Variants in MAML3 observed in about 807,000 individuals in gnomAD.
MAML3 encodes mastermind like transcriptional coactivator 3.
MAML3 carries 27 observed loss-of-function variants against 101.9 expected under a neutral mutation model. The observed-to-expected ratio is 0.27, with a 90% CI of 0.20 to 0.37. MAML3 has a LOEUF of 0.37. Ranked by LOEUF, MAML3 falls within the 10% of genes least tolerant of loss-of-function variation. MAML3 has a pLI of 1.00. For missense variants in MAML3, 1,316 were observed against 1,444.9 expected, an observed-to-expected ratio of 0.91 and a Z score of 1.45; for synonymous variants, 501 against 555.9, an observed-to-expected ratio of 0.90 and a Z score of 1.39.
rs566960604 is a variant in MAML3, at chr4:139,759,503, C to G, written c.2080-28836G>C. Among the ~76,000 whole-genome samples, 4 of 152,310 alleles carry G rather than the reference C, an allele frequency of 2.6e-5. No homozygotes were observed. In the East Asian group the frequency reaches 5.8e-4, roughly 22 times the overall value. ...TACAATTTTTCTAGCTGCTATTAGG[C>G]TGTAGTCCTGCTCTAGGTGTGGAAG... On this transcript the variant is annotated intron_variant, in intron 2 of 4. Coordinates refer to ENST00000509479, the MANE Select transcript of MAML3 (RefSeq NM_018717.5).
chr4:139,803,964 C>A (rs1198293735), intron 2 of MAML3, among the ~76,000 whole-genome samples: 1 of 152,080 alleles, frequency 6.6e-6, no homozygotes, highest in Non-Finnish European at 1.5e-5. Flanking sequence ...ACTGAGGATG[C>A]AGGGATCTGA....
chr4:139,890,726 G>A lies in MAML3; in HGVS notation c.710C>T (p.Pro237Leu). 1.2e-6 allele frequency: 2 copies of A among 1,614,056 alleles called. No homozygotes were observed. Among genetic ancestry groups the A allele is most frequent in the Non-Finnish European group, 1.7e-6 (2 of 1,179,898 alleles). ...CTTACTTAGATCTTCTAGAAGCCCAGGAGTGTGAGTTCCACTGTTCTGCAA... is the reference window on the plus strand; with the variant it reads ...CTTACTTAGATCTTCTAGAAGCCCAAGAGTGTGAGTTCCACTGTTCTGCAA... ...LPLQNSGTHT[P>L]GLLEDLSKNG... Residue 237 changes from proline to leucine, a missense_variant, in exon 2 of 5, where the codon CCT (proline) becomes CTT (leucine). Pro to Leu is a moderately conservative substitution (Grantham distance 98). Transcript: ENST00000509479. The surrounding 1 kb of genome is among the most constrained non-coding windows in gnomAD (Gnocchi z 4.1).
At chr4:139,732,471 CTT>C (rs958733348) in intron 2 of MAML3, among the ~76,000 whole-genome samples, 1 of 152,192 alleles carries the variant, frequency 6.6e-6, no homozygotes, top group Non-Finnish European at 1.5e-5. Context: ...CGCTACTCCT[CTT>C]ACCCTAGAAA....
intron 1 of MAML3, among the ~76,000 whole-genome samples, chr4:139,975,760 A>C (rs978542723): frequency 3.3e-5 from 5 of 152,210 alleles, no homozygotes; most frequent in African/African-American, 1.2e-4. Context: ...ATTGAACTGC[A>C]AAGTGGAGGG....
chr4:139,801,395 C>T (rs1730601054), intron 2 of MAML3, among the ~76,000 whole-genome samples: 1 of 152,102 alleles, frequency 6.6e-6, no homozygotes, highest in Non-Finnish European at 1.5e-5. Flanking sequence ...TTTCCTAAGA[C>T]AAGGAAACTT....
At chr4:139,789,986 A>C (rs1003455867) in intron 2 of MAML3, among the ~76,000 whole-genome samples, 3 of 151,996 alleles carry the variant, frequency 2.0e-5, no homozygotes, top group Non-Finnish European at 4.4e-5. Flanking sequence ...AGTCTAGCTG[A>C]CTGTGGGAAT....
At chr4:139,864,240 A>C (rs1731846177) in intron 2 of MAML3, among the ~76,000 whole-genome samples, 1 of 152,186 alleles carries the variant, frequency 6.6e-6, no homozygotes, top group Non-Finnish European at 1.5e-5. Flanking sequence ...GGCTGCAGGA[A>C]GATACAGACT....
At position 139,930,307 on chromosome 4, in the gene MAML3, T is replaced by G. The variant is rs1290862917; in HGVS notation, c.469-39340A>C. On this transcript the variant is annotated intron_variant, in intron 1 of 4. Coordinates refer to ENST00000509479, the MANE Select transcript of MAML3 (RefSeq NM_018717.5). ...AAAAAATCTAAGGGTGCTCATGGCC[T>G]GAATACGTTTCCAGGCAGAGTTTGT... 2.6e-5 allele frequency among the ~76,000 whole-genome samples: 4 copies of G among 152,158 alleles called. No individual in the cohort carries two copies. In the East Asian group the frequency reaches 7.7e-4, roughly 29 times the overall value.
intron 2 of MAML3, among the ~76,000 whole-genome samples, chr4:139,834,704 G>T (rs1421191435): frequency 6.6e-6 from 1 of 152,192 alleles, no homozygotes; most frequent in Non-Finnish European, 1.5e-5. Context: ...ATATAGCACA[G>T]TTCCTCCAAC....
intron 1 of MAML3, among the ~76,000 whole-genome samples, chr4:140,050,210 C>T (rs1223238618): frequency 6.6e-6 from 1 of 152,066 alleles, no homozygotes; most frequent in Admixed American, 6.6e-5. Flanking sequence ...CTAGGTCTTC[C>T]CGCCAAACTT....
At chr4:139,766,821 T>C (rs1729869799) in intron 2 of MAML3, among the ~76,000 whole-genome samples, 1 of 152,196 alleles carries the variant, frequency 6.6e-6, no homozygotes, top group Non-Finnish European at 1.5e-5. Flanking sequence ...AAGACCAAGG[T>C]TTGCCACTGC....
intron 1 of MAML3, among the ~76,000 whole-genome samples, chr4:140,050,620 C>T (rs1727252273): frequency 6.6e-6 from 1 of 152,134 alleles, no homozygotes; most frequent in Non-Finnish European, 1.5e-5. Context: ...TGGGCTAACA[C>T]CTGGAGAAGG....
chr4:140,152,422 G>A (rs1729189655), intron 1 of MAML3, among the ~76,000 whole-genome samples: 1 of 152,154 alleles, frequency 6.6e-6, no homozygotes, highest in African/African-American at 2.4e-5. Context: ...GTGCTGAGAG[G>A]GGTGGGCGTA....
chr4:140,038,528 G>A (rs1727026292), intron 1 of MAML3, among the ~76,000 whole-genome samples: 1 of 152,156 alleles, frequency 6.6e-6, no homozygotes, highest in Non-Finnish European at 1.5e-5. Flanking sequence ...TGTTTGTCCT[G>A]AGGAAGTATC....
At chr4:139,803,343 A>G (rs1057363030) in intron 2 of MAML3, among the ~76,000 whole-genome samples, 1 of 152,262 alleles carries the variant, frequency 6.6e-6, no homozygotes. Context: ...ATAGTTTATC[A>G]TAAACCTTCA....
At chr4:140,046,298 G>A (rs759617663) in intron 1 of MAML3, among the ~76,000 whole-genome samples, 3 of 152,162 alleles carry the variant, frequency 2.0e-5, no homozygotes, top group East Asian at 1.9e-4. Context: ...CTAGTTTTGT[G>A]AGAATGGGTC....
At chr4:140,026,195 T>C (rs1035082785) in intron 1 of MAML3, among the ~76,000 whole-genome samples, 2 of 151,912 alleles carry the variant, frequency 1.3e-5, no homozygotes, top group Non-Finnish European at 2.9e-5. Context: ...AACATATATA[T>C]GTGTGTGTGT....
intron 1 of MAML3, among the ~76,000 whole-genome samples, chr4:139,993,961 A>T (rs1396808841): frequency 6.6e-6 from 1 of 152,190 alleles, no homozygotes; most frequent in Non-Finnish European, 1.5e-5. Flanking sequence ...ATGATTTTAG[A>T]TGTTTCATAG....
intron 3 of MAML3, among the ~76,000 whole-genome samples, chr4:139,728,603 C>T (rs1728571820): frequency 6.6e-6 from 1 of 152,194 alleles, no homozygotes; most frequent in South Asian, 2.1e-4. Context: ...CTCCCCTCAT[C>T]CCTCATCATC....
Sources: gnomAD v4.1 joint callset for allele counts (sites outside exome capture counted in the v4.1 genomes callset) on GRCh38, gnomAD v4.1.1 for gene constraint, Gnocchi (gnomAD v3.1) non-coding constraint, MANE v1.5 for transcripts, NCBI Gene and HGNC (gene_info 2026-07-23, HGNC 2026-07-21) for gene names.